RGCC: variants seen among roughly 807,000 people sequenced by gnomAD.
RGCC encodes regulator of cell cycle RGCC.
RGCC carries 15 observed loss-of-function variants against 15.4 expected under a neutral mutation model. That is an observed-to-expected ratio of 0.97 (90% CI 0.65 to 1.50). The LOEUF (loss-of-function observed/expected upper bound fraction) is 1.50. RGCC is among the 40% of genes most tolerant of loss of function. RGCC has a pLI of 0.00. For missense variants in RGCC, 176 were observed against 189.7 expected, an observed-to-expected ratio of 0.93 and a Z score of 0.42; for synonymous variants, 81 against 78.0, an observed-to-expected ratio of 1.04 and a Z score of -0.20.
chr13:41,458,609 G>T lies in RGCC; in HGVS notation c.235+139G>T. 1.0e-6 allele frequency: 1 copy of T among 1,003,592 alleles called. No homozygotes were observed. Among genetic ancestry groups the T allele is most frequent in the East Asian group, 2.6e-5 (1 of 37,960 alleles). 62.2% of individuals were successfully genotyped at this position (1,003,592 alleles called of 1,614,324 possible). On this transcript the variant is annotated intron_variant, in intron 2 of 4. Transcript: ENST00000379359. The surrounding 1 kb of genome is among the most constrained non-coding windows in gnomAD (Gnocchi z 4.4). ...GCTCAACGCAGTAGGCCGAGTGGTG[G>T]CGGGGCCCCTGACGATAATCACGGG...
chr13:41,469,089 A>G (rs1180449300), intron 4 of RGCC, among the ~76,000 whole-genome samples: 1 of 151,924 alleles, frequency 6.6e-6, no homozygotes, highest in Non-Finnish European at 1.5e-5. Flanking sequence ...GTGAAACCCA[A>G]TCTCTACTAA....
Position 41,470,463 on chromosome 13 carries a change from A to G in RGCC, c.407-15A>G, listed in dbSNP as rs754371807. 3 of 1,613,178 alleles carry G rather than the reference A, an allele frequency of 1.9e-6. No individual in the cohort carries two copies. In the Admixed American group the frequency reaches 5.0e-5, roughly 27 times the overall value. ...AGCCTCTGAGTGGATAACCTTACCTATCTCTCATTTACAGGTATGTGAAAC... is the reference window on the plus strand; with the variant it reads ...AGCCTCTGAGTGGATAACCTTACCTGTCTCTCATTTACAGGTATGTGAAAC... On this transcript the variant is annotated splice_polypyrimidine_tract_variant and intron_variant, in intron 4 of 4. Coordinates refer to ENST00000379359, the MANE Select transcript of RGCC (RefSeq NM_014059.3).
Position 41,470,617 on chromosome 13 carries a change from C to G in RGCC, c.*132C>G. 1 of 879,586 alleles carries G rather than the reference C, an allele frequency of 1.1e-6. No individual in the cohort carries two copies. The highest frequency in any genetic ancestry group is 1.9e-6 in the Non-Finnish European group (1 of 530,108). 54.5% of individuals were successfully genotyped at this position (879,586 alleles called of 1,614,324 possible). On this transcript the variant is annotated 3_prime_UTR_variant, in exon 5 of 5. Coordinates refer to ENST00000379359, the MANE Select transcript of RGCC (RefSeq NM_014059.3). Reference sequence around the variant, plus strand: ...GCACTCAACCTTCTACCAGGCCACTCTCAGGCTCACCTTAAAATCAGCCCT... The same window carrying G: ...GCACTCAACCTTCTACCAGGCCACTGTCAGGCTCACCTTAAAATCAGCCCT...
At chr13:41,463,722 G>A (rs1201740404) in intron 2 of RGCC, among the ~76,000 whole-genome samples, 1 of 152,100 alleles carries the variant, frequency 6.6e-6, no homozygotes, top group East Asian at 1.9e-4. Context: ...AAGGATCAGA[G>A]GACAGTCCTG....
At chr13:41,463,394 C>T (rs2043831163) in intron 2 of RGCC, among the ~76,000 whole-genome samples, 1 of 150,592 alleles carries the variant, frequency 6.6e-6, no homozygotes, top group African/African-American at 2.4e-5. Flanking sequence ...TTGGGTCTGT[C>T]CCAGATTGTA....
intron 3 of RGCC, among the ~76,000 whole-genome samples, chr13:41,467,358 T>G (rs1671000877): frequency 6.6e-6 from 1 of 152,264 alleles, no homozygotes; most frequent in African/African-American, 2.4e-5. Context: ...ATGACCAATT[T>G]AGCAATTAAA....
chr13:41,461,056 A>G (rs1422564901), intron 2 of RGCC, among the ~76,000 whole-genome samples: 2 of 152,242 alleles, frequency 1.3e-5, no homozygotes, highest in South Asian at 2.1e-4. Flanking sequence ...GATAGGAAAG[A>G]AGAACAGATA....
Position 41,458,543 on chromosome 13 carries a change from C to T in RGCC, c.235+73C>T, listed in dbSNP as rs1287003839. 1 of 1,442,878 alleles carries T rather than the reference C, an allele frequency of 6.9e-7. No individual in the cohort carries two copies. The highest frequency in any genetic ancestry group is 1.4e-5 in the African/African-American group (1 of 70,320). 89.4% of individuals were successfully genotyped at this position (1,442,878 alleles called of 1,614,324 possible). On this transcript the variant is annotated intron_variant, in intron 2 of 4. Transcript: ENST00000379359. This position sits in a 1 kb window ranked among gnomAD's most constrained non-coding sequence, Gnocchi z 4.4. ...GGACCTGCCCCGCGAAGGCTGCGGC[C>T]TCAGTTTTCTTATCAGTAAACTGAG...
chr13:41,457,611 A>T lies in RGCC; in HGVS notation c.-97A>T. ...GGAGCGCAGCGCCGAAGGGACTGGC[A>T]GGGCTGAAGTGTGCGGGACAGCAAG... On this transcript the variant is annotated 5_prime_UTR_variant, in exon 1 of 5. Coordinates refer to ENST00000379359, the MANE Select transcript of RGCC (RefSeq NM_014059.3). This position sits in a 1 kb window ranked among gnomAD's most constrained non-coding sequence, Gnocchi z 4.9. 6.8e-7 allele frequency: 1 copy of T among 1,468,812 alleles called. No individual in the cohort carries two copies. Among genetic ancestry groups the T allele is most frequent in the Non-Finnish European group, 9.0e-7 (1 of 1,112,622 alleles). The allele number at this position is 1,468,812 out of a possible 1,614,324, so 91.0% of individuals were successfully genotyped here. A position where few individuals can be genotyped will look rare whatever the true frequency, so the allele number is the denominator to read the frequency against.
chr13:41,458,288 CG>C lies in RGCC; in HGVS notation c.55del (p.Ala19ProfsTer42). The C allele has an allele frequency of 6.4e-7, 1 of 1,571,042 alleles. No individual in the cohort carries two copies. The highest frequency in any genetic ancestry group is 8.6e-7 in the Non-Finnish European group (1 of 1,165,706). On this transcript the variant is annotated frameshift_variant, in exon 2 of 5. Coordinates refer to ENST00000379359, the MANE Select transcript of RGCC (RefSeq NM_014059.3). LOFTEE classifies it high-confidence loss of function. This position sits in a 1 kb window ranked among gnomAD's most constrained non-coding sequence, Gnocchi z 4.4. ...GAGCCCCTGGCCCTGCCCGCAGCCC[CG>C]GCCCTGGACTCGGCGGCCGCGGAGG... ...GSPAAAAAAA[P>X]ALDSAAAEDL...
intron 2 of RGCC, among the ~76,000 whole-genome samples, chr13:41,464,821 A>C (rs1275214694): frequency 6.6e-6 from 1 of 152,112 alleles, no homozygotes; most frequent in East Asian, 1.9e-4. Flanking sequence ...ATTTCAGGTG[A>C]GCTGGGCTGG....
chr13:41,466,953 G>C, intron 3 of RGCC, 23 bp downstream of exon 3: 1 of 1,554,976 alleles, frequency 6.4e-7, no homozygotes, highest in Non-Finnish European at 8.9e-7. Flanking sequence ...GTTGGAATTT[G>C]AGTTTTTTGC....
intron 4 of RGCC, among the ~76,000 whole-genome samples, chr13:41,469,295 T>TAATAATAATAAGAAGAAG (rs869157194): frequency 7.3e-4 from 63 of 86,740 alleles, no homozygotes; most frequent in African/African-American, 2.3e-3. Flanking sequence ...ATAATAATAA[T>TAATAATAATAAGAAGAAG]AAGAAGAAGA....
Position 41,458,317 on chromosome 13 carries a change from C to T in RGCC, c.82C>T (p.Leu28=). ...PALDSAAAED[L]SDALCEFDAV... is the part of the protein sequence containing the mutation. ...CCTGGACTCGGCGGCCGCGGAGGAC[C>T]TGTCGGACGCGCTGTGCGAGTTTGA... The change falls in exon 2 of 5, where the codon CTG becomes TTG. Residue 28 remains leucine, a synonymous_variant. Transcript: ENST00000379359. The surrounding 1 kb of genome is among the most constrained non-coding windows in gnomAD (Gnocchi z 4.4). 1.3e-6 allele frequency: 2 copies of T among 1,584,150 alleles called. No homozygotes were observed. Among genetic ancestry groups the T allele is most frequent in the Non-Finnish European group, 1.7e-6 (2 of 1,172,152 alleles).
At chr13:41,467,314 T>G (rs2043853871) in intron 3 of RGCC, among the ~76,000 whole-genome samples, 1 of 152,266 alleles carries the variant, frequency 6.6e-6, no homozygotes, top group Admixed American at 6.5e-5. Flanking sequence ...TGGGATTCTT[T>G]TTATTGCATT....
chr13:41,457,818 A>G lies in RGCC; in HGVS notation c.49+62A>G. 7.4e-7 allele frequency: 1 copy of G among 1,351,748 alleles called. No individual in the cohort carries two copies. Among genetic ancestry groups the G allele is most frequent in the Non-Finnish European group, 9.5e-7 (1 of 1,052,080 alleles). 83.7% of individuals were successfully genotyped at this position (1,351,748 alleles called of 1,614,324 possible). ...CTCTGCAGATGGCGGGTGAGAAAGG[A>G]GGGGCCCCGTGTCGTCCCTTCACAC... On this transcript the variant is annotated intron_variant, in intron 1 of 4. Coordinates refer to ENST00000379359, the MANE Select transcript of RGCC (RefSeq NM_014059.3). This position sits in a 1 kb window ranked among gnomAD's most constrained non-coding sequence, Gnocchi z 4.9.
chr13:41,457,884 G>T lies in RGCC; in HGVS notation c.49+128G>T. 7.7e-7 allele frequency: 1 copy of T among 1,297,732 alleles called. No individual in the cohort carries two copies. The allele number at this position is 1,297,732 out of a possible 1,614,324, so 80.4% of individuals were successfully genotyped here. On this transcript the variant is annotated intron_variant, in intron 1 of 4. Transcript: ENST00000379359. This position sits in a 1 kb window ranked among gnomAD's most constrained non-coding sequence, Gnocchi z 4.9. The stretch of plus-strand genomic sequence containing the variant: ...CCTCCCCGGCGGGAACCTGTCCCCG[G>T]TCTTCCCGCGCGGGCGGCTGCAGCC...
At chr13:41,459,549 C>G (rs1045493659) in intron 2 of RGCC, among the ~76,000 whole-genome samples, 7 of 152,174 alleles carry the variant, frequency 4.6e-5, no homozygotes, top group African/African-American at 1.7e-4. Context: ...GGGATAAATG[C>G]GCTCACCACC....
rs996763081 is a variant in RGCC at position 41,457,573 on chromosome 13, G to A, written c.-135G>A. ...GTAGGGCGGGCGCGGACCGTGCTGG[G>A]AGCGGCGCGGCTGGAGCGCAGCGCC... On this transcript the variant is annotated 5_prime_UTR_variant, in exon 1 of 5. Transcript: ENST00000379359. The surrounding 1 kb of genome is among the most constrained non-coding windows in gnomAD (Gnocchi z 4.9). The A allele has an allele frequency of 2.2e-6, 3 of 1,378,036 alleles. No individual in the cohort carries two copies. The highest frequency in any genetic ancestry group is 1.5e-5 in the African/African-American group (1 of 65,664). 85.4% of individuals were successfully genotyped at this position (1,378,036 alleles called of 1,614,324 possible).
Sources: gnomAD v4.1 joint callset for allele counts (sites outside exome capture counted in the v4.1 genomes callset) on GRCh38, gnomAD v4.1.1 for gene constraint, Gnocchi (gnomAD v3.1) non-coding constraint, MANE v1.5 for transcripts, NCBI Gene and HGNC (gene_info 2026-07-23, HGNC 2026-07-21) for gene names.